Variants in ESR1 observed in about 807,000 individuals in gnomAD.
ESR1 encodes the protein estrogen receptor.
A neutral mutation model predicts 52.7 loss-of-function variants in ESR1; 12 were observed. That is an observed-to-expected ratio of 0.23 (90% CI 0.15 to 0.37). ESR1 has a LOEUF of 0.37. Among genes scored for constraint, ESR1 ranks in the 10% least tolerant of loss-of-function variants. The pLI, the probability that ESR1 is intolerant of heterozygous loss-of-function variation, is 1.00. For missense variants in ESR1, 584 were observed against 779.7 expected (o/e 0.75, Z 2.99); for synonymous variants, 305 against 316.8 (o/e 0.96, Z 0.39).
intron 3 of ESR1, among the ~76,000 whole-genome samples, chr6:151,891,486 T>C (rs1461021703): frequency 6.6e-6 from 1 of 152,222 alleles, no homozygotes; most frequent in Admixed American, 6.5e-5. Context: ...CCATATGCTT[T>C]TTTTTGTTTG....
At chr6:151,869,168 C>T (rs992451743) in intron 2 of ESR1, among the ~76,000 whole-genome samples, 1 of 152,114 alleles carries the variant, frequency 6.6e-6, no homozygotes, top group African/African-American at 2.4e-5. Flanking sequence ...CAGCTTAGGA[C>T]AAGAACAGTT....
intron 2 of ESR1, among the ~76,000 whole-genome samples, chr6:151,853,169 C>CAAAAAAAAA (rs386408969): frequency 9.3e-4 from 40 of 42,900 alleles, no homozygotes; most frequent in East Asian, 1.9e-3. Flanking sequence ...AGACTCGTCT[C>CAAAAAAAAA]AAAAAAAAAA....
chr6:152,094,163 T>C lies in ESR1; in HGVS notation c.1370-222T>C, dbSNP rs894626302. ...CAGCCCCTTTCTGGGTCATGGCTCA[T>C]ACAAAGGAGCCCTCCTTGGTTTGCT... is the stretch of plus-strand genomic sequence containing the variant. On this transcript the variant is annotated intron_variant, in intron 6 of 7. Coordinates refer to ENST00000206249, the MANE Select transcript of ESR1 (RefSeq NM_000125.4). This position sits in a 1 kb window ranked among gnomAD's most constrained non-coding sequence, Gnocchi z 4.6. Among the ~76,000 whole-genome samples the C allele has an allele frequency of 6.6e-6, 1 of 152,194 alleles. No homozygotes were observed. Among genetic ancestry groups the C allele is most frequent in the Non-Finnish European group, 1.5e-5 (1 of 68,032 alleles).
At chr6:151,822,245 A>C (rs564077069) in intron 1 of ESR1, among the ~76,000 whole-genome samples, 3 of 152,296 alleles carry the variant, frequency 2.0e-5, no homozygotes, top group African/African-American at 7.2e-5. Flanking sequence ...ACTTTTATAC[A>C]TGTAGAAGCA....
At chr6:151,960,078 C>T (rs1476955702) in intron 4 of ESR1, among the ~76,000 whole-genome samples, 1 of 152,128 alleles carries the variant, frequency 6.6e-6, no homozygotes, top group Non-Finnish European at 1.5e-5. Flanking sequence ...TTTTATGGAT[C>T]AAATGGAATC....
In ESR1 at chr6:152,101,643, A is replaced by G. The variant is rs979284997; in HGVS notation, c.*2677A>G. ...TGATGTTGGTATTGGGTGTAGGAAC[A>G]TGATTTAAAAAAAAACTCTTGCCTC... On this transcript the variant is annotated 3_prime_UTR_variant, in exon 8 of 8. Coordinates refer to ENST00000206249, the MANE Select transcript of ESR1 (RefSeq NM_000125.4). 1.7e-5 allele frequency: 4 copies of G among 230,862 alleles called. No individual in the cohort carries two copies. Among genetic ancestry groups the G allele is most frequent in the Non-Finnish European group, 3.4e-5 (4 of 116,740 alleles). The allele number at this position is 230,862 out of a possible 1,614,324, so 14.3% of individuals were successfully genotyped here.
At chr6:152,060,264 A>C (rs2047443356) in intron 5 of ESR1, among the ~76,000 whole-genome samples, 1 of 152,172 alleles carries the variant, frequency 6.6e-6, no homozygotes, top group African/African-American at 2.4e-5. Flanking sequence ...TAAAAATATC[A>C]AGATCTGACA....
chr6:152,059,736 T>C (rs1409601167), intron 5 of ESR1, among the ~76,000 whole-genome samples: 1 of 152,178 alleles, frequency 6.6e-6, no homozygotes, highest in Non-Finnish European at 1.5e-5. Flanking sequence ...TAGCTATCTG[T>C]ACACATATCC....
At chr6:151,912,738 C>T (rs1798460512) in intron 3 of ESR1, among the ~76,000 whole-genome samples, 2 of 152,098 alleles carry the variant, frequency 1.3e-5, no homozygotes, top group Non-Finnish European at 2.9e-5. Flanking sequence ...AAAAGACAGC[C>T]ATAAAGCAGA....
Position 151,880,671 on chromosome 6 carries a change from G to A in ESR1, c.660G>A (p.Met220Ile). The A allele has an allele frequency of 6.2e-7, 1 of 1,605,436 alleles. No individual in the cohort carries two copies. The highest frequency in any genetic ancestry group is 8.5e-7 in the Non-Finnish European group (1 of 1,172,040). The change falls in exon 3 of 8, where the codon ATG becomes ATA. Residue 220 changes from methionine to isoleucine, a missense_variant. Met to Ile is a conservative substitution (Grantham distance 10). This residue lies in a region of ESR1 where 25 missense variants were observed against 53.0 expected (regional missense o/e 0.47). Coordinates refer to ENST00000206249, the MANE Select transcript of ESR1 (RefSeq NM_000125.4). Reference sequence around the variant, plus strand: ...TTTTAATAGGACATAACGACTATATGTGTCCAGCCACCAACCAGTGCACCA... The same window carrying A: ...TTTTAATAGGACATAACGACTATATATGTCCAGCCACCAACCAGTGCACCA... ...KRSIQGHNDY[M>I]CPATNQCTID... is the part of the protein sequence containing the mutation.
intron 6 of ESR1, among the ~76,000 whole-genome samples, chr6:152,066,723 C>G (rs1452551247): frequency 6.6e-6 from 1 of 152,178 alleles, no homozygotes; most frequent in African/African-American, 2.4e-5. Context: ...CTTAAGCAAG[C>G]CTCATGGCTC....
At chr6:152,022,135 G>A (rs766707905) in intron 5 of ESR1, among the ~76,000 whole-genome samples, 24 of 152,172 alleles carry the variant, frequency 1.6e-4, no homozygotes, top group Non-Finnish European at 2.6e-4. Context: ...GTGTGGTCAT[G>A]ACAAGCATCA....
At chr6:151,656,983 A>T (rs1339193716) in intron 1 of ESR1, among the ~76,000 whole-genome samples, 1 of 152,160 alleles carries the variant, frequency 6.6e-6, no homozygotes, top group Non-Finnish European at 1.5e-5. Context: ...CATGGTGTGG[A>T]GGTTTTTGGA....
chr6:152,004,342 G>T (rs757052624), intron 4 of ESR1, among the ~76,000 whole-genome samples: 10 of 152,010 alleles, frequency 6.6e-5, no homozygotes, highest in Non-Finnish European at 1.5e-4. Context: ...GGTTGGAGTT[G>T]AAAACCAAGC....
intron 4 of ESR1, among the ~76,000 whole-genome samples, chr6:151,977,036 A>G (rs1036356687): frequency 2.6e-5 from 4 of 152,126 alleles, no homozygotes; most frequent in Non-Finnish European, 5.9e-5. Flanking sequence ...ACTGAAAACA[A>G]GTGTAAGTGC....
chr6:151,827,871 A>ATTG (rs1781770539), intron 1 of ESR1, among the ~76,000 whole-genome samples: 1 of 152,230 alleles, frequency 6.6e-6, no homozygotes, highest in African/African-American at 2.4e-5. Context: ...GGTTTTAAAG[A>ATTG]TTAACATCAA....
chr6:151,885,522 A>G (rs2128346550), intron 3 of ESR1, among the ~76,000 whole-genome samples: 1 of 152,356 alleles, frequency 6.6e-6, no homozygotes. Flanking sequence ...CAACCTTGTT[A>G]AAGTCACTTT....
chr6:151,863,798 C>G (rs1053771932), intron 2 of ESR1, among the ~76,000 whole-genome samples: 19 of 152,032 alleles, frequency 1.2e-4, no homozygotes, highest in African/African-American at 4.3e-4. Flanking sequence ...GTGACAAAAA[C>G]AAGAAATGGG....
intron 5 of ESR1, among the ~76,000 whole-genome samples, chr6:152,027,122 C>T (rs1287640269): frequency 6.6e-6 from 1 of 151,830 alleles, no homozygotes; most frequent in Non-Finnish European, 1.5e-5. Flanking sequence ...ATCAGCCACC[C>T]CACCTGGCTA....
Sources: allele counts gnomAD v4.1 joint callset (sites outside exome capture counted in the v4.1 genomes callset), GRCh38; gene constraint gnomAD v4.1.1; regional missense constraint gnomAD v4.1.1; non-coding constraint Gnocchi (gnomAD v3.1); transcripts MANE v1.5; gene names NCBI Gene and HGNC (gene_info 2026-07-23, HGNC 2026-07-21).